The following FAH variants were observed in gnomAD, a reference collection of about 807,000 sequenced individuals.
FAH encodes fumarylacetoacetase.
FAH carries 47 observed loss-of-function variants against 55.8 expected under a neutral mutation model. That is an observed-to-expected ratio of 0.84 (90% CI 0.67 to 1.07). The LOEUF (loss-of-function observed/expected upper bound fraction) is 1.07, where lower values mean the gene tolerates loss of function less well. Ranked by LOEUF, FAH falls within the 50% of genes least tolerant of loss-of-function variation. FAH has a pLI of 0.00. For missense variants in FAH, 495 were observed against 545.9 expected (o/e 0.91, Z 0.93); for synonymous variants, 199 against 207.7 (o/e 0.96, Z 0.36).
intron 13 of FAH, among the ~76,000 whole-genome samples, chr15:80,184,871 C>T (rs547905719): frequency 1.3e-5 from 2 of 152,206 alleles, no homozygotes; most frequent in East Asian, 1.9e-4. Flanking sequence ...CCTAGCTACC[C>T]GTCAAGGCCC....
intron 13 of FAH, among the ~76,000 whole-genome samples, chr15:80,183,178 C>T (rs1332802342): frequency 6.6e-6 from 1 of 152,134 alleles, no homozygotes; most frequent in Non-Finnish European, 1.5e-5. Flanking sequence ...AAAGGCAGTT[C>T]CTTGGATCTG....
At chr15:80,168,459 A>C in intron 7 of FAH, 143 bp downstream of exon 7, 1 of 763,896 alleles carries the variant, frequency 1.3e-6, no homozygotes, top group Non-Finnish European at 2.3e-6. Flanking sequence ...CCACCTGGCC[A>C]TCAGAAGGAC....
chr15:80,186,322 A>G lies in FAH; in HGVS notation c.*113A>G. On this transcript the variant is annotated 3_prime_UTR_variant, in exon 14 of 14. Transcript: ENST00000561421. ...CCGCCATTCAGTGACAAATAAAGCCATTGTGCTCTGAGGCCTGCACTGCCG... is the reference window on the plus strand; with the variant it reads ...CCGCCATTCAGTGACAAATAAAGCCGTTGTGCTCTGAGGCCTGCACTGCCG... 1 of 850,890 alleles carries G rather than the reference A, an allele frequency of 1.2e-6. No individual in the cohort carries two copies. The highest frequency in any genetic ancestry group is 2.0e-6 in the Non-Finnish European group (1 of 499,934). The allele number at this position is 850,890 out of a possible 1,614,324, so 52.7% of individuals were successfully genotyped here. A position where few individuals can be genotyped will look rare whatever the true frequency, so the allele number is the denominator to read the frequency against.
intron 7 of FAH, among the ~76,000 whole-genome samples, chr15:80,169,969 G>C (rs961264864): frequency 1.3e-5 from 2 of 152,196 alleles, no homozygotes; most frequent in Admixed American, 1.3e-4. Context: ...CGTAACCATG[G>C]TGCTCTATCA....
intron 11 of FAH, among the ~76,000 whole-genome samples, chr15:80,178,014 A>G (rs1266135043): frequency 6.6e-6 from 1 of 152,134 alleles, no homozygotes; most frequent in Non-Finnish European, 1.5e-5. Flanking sequence ...AGCCTGGGCA[A>G]CATAATGAGA....
chr15:80,180,257 C>A, intron 12 of FAH, 32 bp downstream of exon 12: 1 of 1,534,648 alleles, frequency 6.5e-7, no homozygotes, highest in Non-Finnish European at 8.9e-7. Context: ...GGGCTGCCCA[C>A]GCAGAGCATC....
At chr15:80,174,896 T>A in intron 9 of FAH, 120 bp from the exon 10 acceptor site, 1 of 790,456 alleles carries the variant, frequency 1.3e-6, no homozygotes, top group Non-Finnish European at 2.2e-6. Context: ...ATGCTCCTGC[T>A]GTCTCAGACC....
At chr15:80,158,989 G>A (rs183162414) in intron 2 of FAH, among the ~76,000 whole-genome samples, 1 of 152,194 alleles carries the variant, frequency 6.6e-6, no homozygotes, top group African/African-American at 2.4e-5. Flanking sequence ...TGTAACCCCA[G>A]CACTTTGGGA....
chr15:80,182,281 A>G (rs2041337441), intron 13 of FAH, among the ~76,000 whole-genome samples: 1 of 152,222 alleles, frequency 6.6e-6, no homozygotes, highest in East Asian at 1.9e-4. Flanking sequence ...ACTTAATCAC[A>G]TCTCCAGAAA....
chr15:80,160,668 G>A, intron 4 of FAH: 4 of 687,284 alleles, frequency 5.8e-6, no homozygotes, highest in South Asian at 4.6e-5. Flanking sequence ...CTTGCCTCAG[G>A]TAGTGAGTTG....
intron 5 of FAH, 84 bp from the exon 6 acceptor site, chr15:80,167,968 G>T (rs2041207620): frequency 8.8e-7 from 1 of 1,132,652 alleles, no homozygotes. Context: ...GCGACTCTTT[G>T]TTTCTAGTTT....
At chr15:80,180,358 C>G in intron 12 of FAH, 133 bp downstream of exon 12, 1 of 713,272 alleles carries the variant, frequency 1.4e-6, no homozygotes, top group Non-Finnish European at 2.5e-6. Flanking sequence ...CTCTGTCTTC[C>G]TCGTAGCCTT....
intron 13 of FAH, 111 bp from the exon 14 acceptor site, chr15:80,186,019 C>A: frequency 1.2e-6 from 1 of 828,886 alleles, no homozygotes; most frequent in Non-Finnish European, 2.1e-6. Context: ...ATTCTGATGG[C>A]ACCTTCCTGC....
intron 1 of FAH, chr15:80,157,763 G>A (rs1013051940): frequency 5.7e-5 from 26 of 458,172 alleles, no homozygotes; most frequent in East Asian, 3.5e-4. Flanking sequence ...CTTTGCAGGG[G>A]TCTTTGCCCA....
chr15:80,152,998 C>A, upstream of FAH: 1 of 1,507,750 alleles, frequency 6.6e-7, no homozygotes, highest in Non-Finnish European at 9.2e-7. Context: ...CGGCCGAGTT[C>A]AGTCCTGCTC....
intron 7 of FAH, among the ~76,000 whole-genome samples, chr15:80,171,371 A>G (rs1156562535): frequency 2.0e-5 from 3 of 149,214 alleles, no homozygotes. Flanking sequence ...GGAAACCATC[A>G]TTCTCAGCAA....
At chr15:80,153,172 GGAGTGGAGTGGAGT>G (rs752679360) in intron 1 of FAH, 37 bp downstream of exon 1, 14 of 471,458 alleles carry the variant, frequency 3.0e-5, no homozygotes, top group African/African-American at 1.8e-4. Context: ...GCGCGGGGAG[GGAGTGGAGTGGAGT>G]GGAGTGGAGT....
chr15:80,161,900 G>A (rs755875605), intron 4 of FAH, among the ~76,000 whole-genome samples: 4 of 152,184 alleles, frequency 2.6e-5, no homozygotes, highest in East Asian at 3.9e-4. Flanking sequence ...CAGTATAGGC[G>A]TGGTGAGGGA....
intron 9 of FAH, among the ~76,000 whole-genome samples, chr15:80,173,985 C>T (rs1367579386): frequency 6.6e-6 from 1 of 152,186 alleles, no homozygotes; most frequent in Non-Finnish European, 1.5e-5. Flanking sequence ...CTCTCCCATG[C>T]TCCTCTGCCT....
Sources: gnomAD v4.1 joint callset for allele counts (sites outside exome capture counted in the v4.1 genomes callset) on GRCh38, gnomAD v4.1.1 for gene constraint, MANE v1.5 for transcripts, NCBI Gene and HGNC (gene_info 2026-07-23, HGNC 2026-07-21) for gene names.